Variants in OTOF observed in about 807,000 individuals in gnomAD.
OTOF encodes the protein otoferlin.
Under a neutral mutation model 236.8 loss-of-function variants are expected in OTOF, and 218 were observed. The observed-to-expected ratio is 0.92, with a 90% CI of 0.82 to 1.03. The LOEUF (loss-of-function observed/expected upper bound fraction) is 1.03, where lower values mean the gene tolerates loss of function less well. Ranked by LOEUF, OTOF falls within the 50% of genes least tolerant of loss-of-function variation. OTOF has a pLI of 0.00. For synonymous variants in OTOF, 1,041 were observed against 1,072.5 expected (o/e 0.97, Z 0.57); for missense variants, 2,590 against 2,694.4 (o/e 0.96, Z 0.86).
chr2:26,473,060 T>G lies in OTOF; in HGVS notation c.3733+72A>C. ...AGCAAACTCTGGTCGCGGCTTGGAC[T>G]GGGCGGAGACCTGGAGCCCTTCCCT... On this transcript the variant is annotated intron_variant, in intron 29 of 46. Coordinates refer to ENST00000272371, the MANE Select transcript of OTOF (RefSeq NM_194248.3). The surrounding 1 kb of genome is among the most constrained non-coding windows in gnomAD (Gnocchi z 7.2). The G allele has an allele frequency of 1.3e-5, 19 of 1,493,034 alleles. No homozygotes were observed. The highest frequency in any genetic ancestry group is 1.7e-5 in the Non-Finnish European group (19 of 1,087,102). The allele number at this position is 1,493,034 out of a possible 1,614,324, so 92.5% of individuals were successfully genotyped here. A position where few individuals can be genotyped will look rare whatever the true frequency, so the allele number is the denominator to read the frequency against.
chr2:26,527,991 T>A (rs545761555), intron 2 of OTOF, 71 bp from the exon 3 acceptor site: 20 of 1,088,194 alleles, frequency 1.8e-5, no homozygotes, highest in African/African-American at 1.7e-4. Context: ...GGGAGGGGAA[T>A]CTCTTGTGGG....
rs1221040154 is a variant in OTOF, at chr2:26,553,604, G to T, written c.79+4889C>A. On this transcript the variant is annotated intron_variant, in intron 1 of 46. Transcript: ENST00000272371. ...CCACGTGTGGTCGCAGTAAGGCTCG[G>T]AAAGAGGCATGAGCCACCACGCCTG... Among the ~76,000 whole-genome samples, 3 of 152,162 alleles carry T rather than the reference G, an allele frequency of 2.0e-5. No individual in the cohort carries two copies. The East Asian group carries it at 5.8e-4, about 29-fold the overall frequency.
intron 40 of OTOF, 98 bp downstream of exon 40, chr2:26,463,866 G>T (rs370886092): frequency 2.0e-6 from 3 of 1,508,764 alleles, no homozygotes; most frequent in East Asian, 2.3e-5. Context: ...GGAATGCAGC[G>T]GACAGCGTGA....
chr2:26,467,205 A>G lies in OTOF; in HGVS notation c.4256T>C (p.Phe1419Ser), dbSNP rs1664773215. The G allele has an allele frequency of 6.2e-7, 1 of 1,614,094 alleles. No individual in the cohort carries two copies. The highest frequency in any genetic ancestry group is 1.3e-5 in the African/African-American group (1 of 75,006). Residue 1419 changes from phenylalanine (F) to serine (S), a missense_variant, in exon 35 of 47, where the codon TTT becomes TCT. Coordinates refer to ENST00000272371, the MANE Select transcript of OTOF (RefSeq NM_194248.3). ...GTGCAGCCAGTCCTCAAAGTTATCA[A>G]ACTCGGACTCCAGCTCTTTGGGGTA... is the stretch of plus-strand genomic sequence containing the variant. ...KVYPKELESE[F>S]DNFEDWLHTF...
chr2:26,508,039 C>A (rs1045177163), intron 5 of OTOF, among the ~76,000 whole-genome samples: 1 of 152,230 alleles, frequency 6.6e-6, no homozygotes, highest in South Asian at 2.1e-4. Context: ...TTCATTAATT[C>A]AGGTCTCTGG....
chr2:26,458,259 A>G (rs778326911), intron 46 of OTOF, 39 bp from the exon 47 acceptor site: 5 of 1,549,170 alleles, frequency 3.2e-6, no homozygotes, highest in South Asian at 1.2e-5. Context: ...GCCAGTGGGC[A>G]GGAGCTGCCT....
At chr2:26,541,832 T>G (rs1293163208) in intron 1 of OTOF, among the ~76,000 whole-genome samples, 2 of 152,218 alleles carry the variant, frequency 1.3e-5, no homozygotes, top group African/African-American at 4.8e-5. Context: ...GCCTCTTCCT[T>G]GCATGGAAAG....
intron 5 of OTOF, among the ~76,000 whole-genome samples, chr2:26,514,703 C>T (rs1269719992): frequency 6.6e-6 from 1 of 152,228 alleles, no homozygotes; most frequent in Non-Finnish European, 1.5e-5. Flanking sequence ...GGGCTGGTGA[C>T]ATGCCCAGTG....
intron 1 of OTOF, among the ~76,000 whole-genome samples, chr2:26,555,613 G>GC (rs1667567365): frequency 6.6e-6 from 1 of 152,204 alleles, no homozygotes; most frequent in Admixed American, 6.5e-5. Flanking sequence ...ATGAGAACAG[G>GC]AGTCTCGGGG....
At chr2:26,479,874 C>T (rs907339040) in intron 16 of OTOF, among the ~76,000 whole-genome samples, 1 of 152,248 alleles carries the variant, frequency 6.6e-6, no homozygotes, top group Non-Finnish European at 1.5e-5. Context: ...CCAGCCCTGG[C>T]CCAGGCTGTG....
At chr2:26,535,549 C>T (rs538513721) in intron 2 of OTOF, among the ~76,000 whole-genome samples, 15 of 152,296 alleles carry the variant, frequency 9.8e-5, no homozygotes, top group African/African-American at 3.4e-4. Context: ...CCCCAGTGGG[C>T]GGGCAGCACT....
At chr2:26,475,756 C>T (rs909233375) in intron 24 of OTOF, among the ~76,000 whole-genome samples, 158 bp downstream of exon 24, 1 of 152,304 alleles carries the variant, frequency 6.6e-6, no homozygotes, top group African/African-American at 2.4e-5. Context: ...GCGTCTGCTG[C>T]AGTTATCTGC....
intron 2 of OTOF, among the ~76,000 whole-genome samples, chr2:26,529,660 G>A (rs77560320): frequency 0.021 from 3,175 of 152,294 alleles, 117 homozygotes; most frequent in African/African-American, 0.072. Flanking sequence ...GGCCAGCACC[G>A]CGGGTCACTG....
rs761983219 is a variant in OTOF, at chr2:26,501,826, C to T, written c.711-18G>A. 83 of 1,605,592 alleles carry T rather than the reference C, an allele frequency of 5.2e-5. No homozygotes were observed. Among genetic ancestry groups the T allele is most frequent in the Non-Finnish European group, 6.8e-5 (80 of 1,172,324 alleles). On this transcript the variant is annotated intron_variant, in intron 7 of 46. Transcript: ENST00000272371. ...GCTTAGATCTGAGGAAGAGAATGTA[C>T]CATCAGGCCTGGGGTATGGGGACTG...
chr2:26,516,595 C>T lies in OTOF; in HGVS notation c.332G>A (p.Ser111Asn). 3 of 1,605,300 alleles carry T rather than the reference C, an allele frequency of 1.9e-6. No individual in the cohort carries two copies. The highest frequency in any genetic ancestry group is 2.5e-6 in the Non-Finnish European group (3 of 1,179,946). ...CTGATACCGGACCTCCACGCACAGG[C>T]TGGTCTGAAGGGAGGGAGGCGGTGG... Reference protein sequence around the residue: ...IDDNNAIIKTSLCVEVRYQAT... With the variant: ...IDDNNAIIKTNLCVEVRYQAT... The change falls in exon 5 of 47, where the codon AGC becomes AAC. Residue 111 changes from serine (S) to asparagine (N), a missense_variant. Physicochemically the swap from Ser to Asn is conservative, Grantham distance 46 (BLOSUM62 1). Around this residue, in one of 2 missense-constraint regions of OTOF, gnomAD observed 1,379 missense variants for 1,341.6 expected, o/e 1.03. Coordinates refer to ENST00000272371, the MANE Select transcript of OTOF (RefSeq NM_194248.3).
chr2:26,472,519 C>G lies in OTOF; in HGVS notation c.3864G>C (p.Ala1288=). ...AGGGGGCTGACCCCACCCGCCTTAC[C>G]GCGTCCAGCTTCACCATGGTCTCCA... ...KKLETMVKLD[A]TSEAVVKVDV... The change falls in exon 30 of 47, where the codon GCG becomes GCC. Residue 1288 remains alanine, a splice_region_variant and synonymous_variant. Transcript: ENST00000272371. 6.2e-7 allele frequency: 1 copy of G among 1,613,512 alleles called. No individual in the cohort carries two copies. Among genetic ancestry groups the G allele is most frequent in the Non-Finnish European group, 8.5e-7 (1 of 1,180,018 alleles).
chr2:26,475,893 T>C, intron 24 of OTOF, 21 bp downstream of exon 24: 1 of 1,590,552 alleles, frequency 6.3e-7, no homozygotes, highest in African/African-American at 1.3e-5. Context: ...CCAGAGCCAC[T>C]CCCTCCTCCC....
chr2:26,548,467 G>T (rs531832816), intron 1 of OTOF, among the ~76,000 whole-genome samples: 2 of 151,968 alleles, frequency 1.3e-5, no homozygotes, highest in Admixed American at 6.6e-5. Flanking sequence ...CTCCATACCC[G>T]TGAGCAGTCA....
At chr2:26,512,485 G>C (rs910785200) in intron 5 of OTOF, among the ~76,000 whole-genome samples, 1 of 152,246 alleles carries the variant, frequency 6.6e-6, no homozygotes, top group African/African-American at 2.4e-5. Flanking sequence ...ACTAGGGCAG[G>C]CATACGCTGC....
Sources: gnomAD v4.1 joint callset for allele counts (sites outside exome capture counted in the v4.1 genomes callset) on GRCh38, gnomAD v4.1.1 for gene constraint, gnomAD v4.1.1 regional missense constraint, Gnocchi (gnomAD v3.1) non-coding constraint, MANE v1.5 for transcripts, NCBI Gene and HGNC (gene_info 2026-07-23, HGNC 2026-07-21) for gene names.